DLG2: variants seen among roughly 807,000 people sequenced by gnomAD.
The protein encoded by DLG2 is disks large homolog 2.
Under a neutral mutation model 132.5 loss-of-function variants are expected in DLG2, and 45 were observed. That is an observed-to-expected ratio of 0.34 (90% CI 0.27 to 0.44). DLG2 has a LOEUF of 0.44. DLG2 is among the 20% of genes least tolerant of loss of function. The pLI, the probability that DLG2 is intolerant of heterozygous loss-of-function variation, is 1.00. For synonymous variants in DLG2, 424 were observed against 419.6 expected, an observed-to-expected ratio of 1.01 and a Z score of -0.13; for missense variants, 1,045 against 1,196.9, an observed-to-expected ratio of 0.87 and a Z score of 1.87.
chr11:85,342,522 T>C (rs2082569135), intron 3 of DLG2, among the ~76,000 whole-genome samples: 1 of 152,146 alleles, frequency 6.6e-6, no homozygotes, highest in Non-Finnish European at 1.5e-5. Context: ...CCTGAGACGG[T>C]TTTCCAGGTA....
chr11:85,145,835 T>C lies in DLG2; in HGVS notation c.282+8721A>G, dbSNP rs78860290. On this transcript the variant is annotated intron_variant, in intron 5 of 27. Transcript: ENST00000376104. ...CCACCACTCTAGAATTTGTCACTGG[T>C]GACTTATTTAGTTTGTTTAGTAGAT... Among the ~76,000 whole-genome samples the C allele has an allele frequency of 2.3e-3, 344 of 152,196 alleles. 2 individuals are homozygous for C. The highest frequency in any genetic ancestry group is 7.9e-3 in the African/African-American group (330 of 41,542).
intron 19 of DLG2, among the ~76,000 whole-genome samples, chr11:83,588,431 T>G: frequency 6.6e-6 from 1 of 151,978 alleles, no homozygotes; most frequent in Non-Finnish European, 1.5e-5. Context: ...GTCCTCTCTG[T>G]TAGAAGGAAA....
At chr11:85,527,424 C>A (rs1176242007) in intron 3 of DLG2, among the ~76,000 whole-genome samples, 1 of 152,038 alleles carries the variant, frequency 6.6e-6, no homozygotes, top group Non-Finnish European at 1.5e-5. Context: ...TCAACTCCCA[C>A]TTATTAGTGG....
chr11:85,292,045 CA>C (rs1047569569), intron 3 of DLG2, among the ~76,000 whole-genome samples: 1 of 152,124 alleles, frequency 6.6e-6, no homozygotes, highest in African/African-American at 2.4e-5. Context: ...AATGATGTTA[CA>C]AAATGATATT....
intron 4 of DLG2, among the ~76,000 whole-genome samples, chr11:85,174,125 T>C (rs1209755972): frequency 6.6e-6 from 1 of 152,096 alleles, no homozygotes; most frequent in Non-Finnish European, 1.5e-5. Context: ...GTGGACCTGA[T>C]AGGTATCTAC....
At chr11:85,393,521 C>T (rs1007406679) in intron 3 of DLG2, among the ~76,000 whole-genome samples, 2 of 151,994 alleles carry the variant, frequency 1.3e-5, no homozygotes, top group East Asian at 1.9e-4. Context: ...TGCACACACA[C>T]GTGTATAGCA....
chr11:84,423,193 A>C (rs530255301), intron 7 of DLG2, among the ~76,000 whole-genome samples: 1 of 152,270 alleles, frequency 6.6e-6, no homozygotes, highest in African/African-American at 2.4e-5. Flanking sequence ...ATGGTTGTAC[A>C]ACATTGCAAA....
intron 3 of DLG2, among the ~76,000 whole-genome samples, chr11:85,473,660 A>G (rs756411965): frequency 6.6e-6 from 1 of 152,052 alleles, no homozygotes; most frequent in Non-Finnish European, 1.5e-5. Context: ...TGTATCAAAA[A>G]ATAGAATAAA....
At chr11:84,222,364 G>T (rs973992077) in intron 8 of DLG2, among the ~76,000 whole-genome samples, 6 of 152,008 alleles carry the variant, frequency 3.9e-5, no homozygotes, top group Non-Finnish European at 8.8e-5. Flanking sequence ...ATTACTTTCT[G>T]ATGACATTTA....
intron 17 of DLG2, among the ~76,000 whole-genome samples, chr11:83,804,036 C>A (rs1468541273): frequency 6.6e-6 from 1 of 152,054 alleles, no homozygotes; most frequent in Non-Finnish European, 1.5e-5. Flanking sequence ...CTTAGTATTT[C>A]TTTGACTTAT....
Position 83,628,554 on chromosome 11 carries a change from A to G in DLG2, c.1940+4657T>C, listed in dbSNP as rs532780202. ...TATAAAATGGAGGCAATATCCCCTGAATCATAGTGTTTTGGGGAGAATTCT... is the reference window on the plus strand; with the variant it reads ...TATAAAATGGAGGCAATATCCCCTGGATCATAGTGTTTTGGGGAGAATTCT... On this transcript the variant is annotated intron_variant, in intron 19 of 27. Coordinates refer to ENST00000376104, the MANE Select transcript of DLG2 (RefSeq NM_001142699.3). Among the ~76,000 whole-genome samples, 3 of 152,296 alleles carry G rather than the reference A, an allele frequency of 2.0e-5. No individual in the cohort carries two copies. In the South Asian group the frequency reaches 6.2e-4, roughly 32 times the overall value.
intron 21 of DLG2, among the ~76,000 whole-genome samples, chr11:83,519,367 A>G (rs1265152010): frequency 6.6e-6 from 1 of 152,240 alleles, no homozygotes; most frequent in Non-Finnish European, 1.5e-5. Context: ...TATTGTTACA[A>G]TATACCACTA....
chr11:85,459,303 T>G (rs1337882711), intron 3 of DLG2, among the ~76,000 whole-genome samples: 2 of 152,188 alleles, frequency 1.3e-5, no homozygotes, highest in Non-Finnish European at 2.9e-5. Flanking sequence ...GTTGTTCTAC[T>G]GGCTCTGCTT....
At chr11:83,836,726 A>T (rs1014951442) in intron 16 of DLG2, among the ~76,000 whole-genome samples, 1 of 152,222 alleles carries the variant, frequency 6.6e-6, no homozygotes, top group Non-Finnish European at 1.5e-5. Context: ...TCAGAGAGAC[A>T]ACGGTGCATT....
At chr11:84,063,585 C>T (rs1004091777) in intron 10 of DLG2, among the ~76,000 whole-genome samples, 6 of 152,052 alleles carry the variant, frequency 3.9e-5, no homozygotes, top group Non-Finnish European at 8.8e-5. Context: ...ACTAGAAATA[C>T]CATTTGACCC....
chr11:85,597,240 A>G (rs2079834622), intron 3 of DLG2, among the ~76,000 whole-genome samples: 1 of 152,192 alleles, frequency 6.6e-6, no homozygotes. Context: ...TACCCTTTCT[A>G]AATCAAGTTC....
At chr11:84,660,114 C>G (rs768808934) in intron 6 of DLG2, among the ~76,000 whole-genome samples, 9 of 152,052 alleles carry the variant, frequency 5.9e-5, no homozygotes, top group Non-Finnish European at 8.8e-5. Flanking sequence ...AGTCTCCAGT[C>G]CATCTGGAGA....
At chr11:83,610,727 C>T (rs2059994535) in intron 19 of DLG2, among the ~76,000 whole-genome samples, 1 of 152,090 alleles carries the variant, frequency 6.6e-6, no homozygotes, top group Non-Finnish European at 1.5e-5. Flanking sequence ...GCATCTTTTA[C>T]ATATAGACTG....
At chr11:84,083,516 C>T (rs968996281) in intron 10 of DLG2, among the ~76,000 whole-genome samples, 4 of 152,120 alleles carry the variant, frequency 2.6e-5, no homozygotes, top group Admixed American at 6.6e-5. Context: ...GTTGGGAGGT[C>T]AGGCCTAATA....
Sources: allele counts gnomAD v4.1 joint callset (sites outside exome capture counted in the v4.1 genomes callset), GRCh38; gene constraint gnomAD v4.1.1; transcripts MANE v1.5; gene names NCBI Gene and HGNC (gene_info 2026-07-23, HGNC 2026-07-21).